The following NPAT variants were observed in gnomAD, a reference collection of about 807,000 sequenced individuals.
NPAT encodes protein NPAT.
In NPAT, 52 loss-of-function variants were observed where a neutral mutation model predicts 130.7. That is an observed-to-expected ratio of 0.40 (90% CI 0.32 to 0.50). The LOEUF is 0.50. NPAT is among the 20% of genes least tolerant of loss of function. NPAT has a pLI of 0.68. For missense variants in NPAT, 1,687 were observed against 1,662.6 expected, an observed-to-expected ratio of 1.01 and a Z score of -0.26; for synonymous variants, 580 against 584.8, an observed-to-expected ratio of 0.99 and a Z score of 0.12.
At chr11:108,221,771 A>G (rs753249094) in intron 1 of NPAT, among the ~76,000 whole-genome samples, 4 of 152,158 alleles carry the variant, frequency 2.6e-5, no homozygotes, top group Non-Finnish European at 5.9e-5. Flanking sequence ...GGGACAAACA[A>G]CAACAAAACC....
chr11:108,215,978 G>A (rs2078432545), intron 1 of NPAT, among the ~76,000 whole-genome samples: 1 of 152,144 alleles, frequency 6.6e-6, no homozygotes, highest in South Asian at 2.1e-4. Context: ...CTCTTTTTGT[G>A]AAAACTAGCT....
rs1267309016 is a variant in NPAT, at chr11:108,157,235, T to A, written c.*1707A>T. 1 of 152,012 alleles carries A rather than the reference T, an allele frequency of 6.6e-6. No homozygotes were observed. The highest frequency in any genetic ancestry group is 1.9e-4 in the East Asian group (1 of 5,200). 9.4% of individuals were successfully genotyped at this position (152,012 alleles called of 1,614,324 possible). A position where few individuals can be genotyped will look rare whatever the true frequency, so the allele number is the denominator to read the frequency against. On this transcript the variant is annotated 3_prime_UTR_variant, in exon 18 of 18. Coordinates refer to ENST00000278612, the MANE Select transcript of NPAT (RefSeq NM_002519.3). ...TTGAAGAAAGTAAACTTATTTTATT[T>A]GTATATGAATTTTCAGTGCTTAGTA...
At chr11:108,207,590 T>A (rs1381775238) in intron 1 of NPAT, among the ~76,000 whole-genome samples, 1 of 152,224 alleles carries the variant, frequency 6.6e-6, no homozygotes, top group Non-Finnish European at 1.5e-5. Context: ...CTGCCCCTAG[T>A]GTGCACACAC....
rs754474548 is a variant in NPAT, at chr11:108,169,933, G to A, written c.2896C>T (p.Arg966Trp). ...TTTCAGTTCATAAATCTTACCTGCC[G>A]AGGAGGAGTAGAAAAGTTATTTCCA... ...QNGNNFSTPP[R>W]QVLHMPLTAP... Residue 966 changes from arginine to tryptophan, a missense_variant, in exon 14 of 18, where the codon CGG becomes TGG. Coordinates refer to ENST00000278612, the MANE Select transcript of NPAT (RefSeq NM_002519.3). The A allele has an allele frequency of 1.6e-5, 26 of 1,612,458 alleles. No homozygotes were observed. The highest frequency in any genetic ancestry group is 3.3e-5 in the Admixed American group (2 of 59,992).
chr11:108,212,714 G>T (rs1388911011), intron 1 of NPAT, among the ~76,000 whole-genome samples: 1 of 151,698 alleles, frequency 6.6e-6, no homozygotes, highest in Admixed American at 6.6e-5. Flanking sequence ...GGAGGCCAAG[G>T]CAGGCAGATT....
chr11:108,186,699 G>C, intron 7 of NPAT, 130 bp from the exon 8 acceptor site: 1 of 782,728 alleles, frequency 1.3e-6, no homozygotes, highest in South Asian at 1.6e-5. Context: ...ATCTGCAGGG[G>C]GCTGGTTTCA....
intron 1 of NPAT, among the ~76,000 whole-genome samples, chr11:108,198,330 C>T (rs1402215638): frequency 6.6e-6 from 1 of 152,002 alleles, no homozygotes; most frequent in African/African-American, 2.4e-5. Context: ...AGTCAAAAAA[C>T]CAAAAATCTG....
At chr11:108,215,081 T>C (rs77376169) in intron 1 of NPAT, among the ~76,000 whole-genome samples, 11,849 of 152,286 alleles carry the variant, frequency 0.078, 543 homozygotes, top group Non-Finnish European at 0.097. Context: ...TTCAAGGCCA[T>C]TGTTTATTCT....
At chr11:108,211,861 G>T (rs1443530600) in intron 1 of NPAT, among the ~76,000 whole-genome samples, 1 of 152,042 alleles carries the variant, frequency 6.6e-6, no homozygotes, top group East Asian at 1.9e-4. Flanking sequence ...GAGGTAGAAG[G>T]ATAGTTTTAG....
At chr11:108,168,664 C>T (rs760369996) in intron 15 of NPAT, among the ~76,000 whole-genome samples, 3 of 152,104 alleles carry the variant, frequency 2.0e-5, no homozygotes, top group East Asian at 1.9e-4. Context: ...CCTCAGCCAC[C>T]GCTGGTTAAA....
At chr11:108,170,414 T>C (rs2077939670) in intron 13 of NPAT, among the ~76,000 whole-genome samples, 1 of 152,184 alleles carries the variant, frequency 6.6e-6, no homozygotes, top group South Asian at 2.1e-4. Flanking sequence ...GGTGAATGTT[T>C]CAAGTCTGAA....
intron 1 of NPAT, among the ~76,000 whole-genome samples, chr11:108,220,451 C>G (rs1018894536): frequency 2.0e-5 from 3 of 151,718 alleles, no homozygotes; most frequent in Non-Finnish European, 2.9e-5. Context: ...TAAAAAAAAC[C>G]TAATTATCTG....
Position 108,192,119 on chromosome 11 carries a change from T to C in NPAT, c.289A>G (p.Arg97Gly). ...KKLDHTLSQI[R>G]SMQSSPRFAG... ...AGGCACATTCTAATAGCTTATTACC[T>C]GATCTGAGAAAGTGTATGGTCCAAT... The change falls in exon 4 of 18, where the codon AGG (arginine) becomes GGG (glycine). Residue 97 changes from arginine (R) to glycine (G), a missense_variant and splice_region_variant. Arg to Gly is a moderately radical substitution (Grantham distance 125). Around this residue, in one of 3 missense-constraint regions of NPAT, gnomAD observed 307 missense variants for 298.9 expected, o/e 1.03. Transcript: ENST00000278612. 1 of 1,585,568 alleles carries C rather than the reference T, an allele frequency of 6.3e-7. No individual in the cohort carries two copies. Among genetic ancestry groups the C allele is most frequent in the Non-Finnish European group, 8.7e-7 (1 of 1,154,080 alleles).
At chr11:108,193,154 C>T (rs1235124904) in intron 3 of NPAT, among the ~76,000 whole-genome samples, 1 of 152,118 alleles carries the variant, frequency 6.6e-6, no homozygotes, top group East Asian at 1.9e-4. Context: ...AATAAGCAGT[C>T]AAAACTTTCC....
chr11:108,213,520 G>T (rs139327714), intron 1 of NPAT, among the ~76,000 whole-genome samples: 2 of 152,100 alleles, frequency 1.3e-5, no homozygotes, highest in African/African-American at 2.4e-5. Flanking sequence ...CTAAATCCAC[G>T]CAAAGACATA....
Position 108,173,444 on chromosome 11 carries a change from A to C in NPAT, c.1540T>G (p.Ser514Ala), listed in dbSNP as rs1178187380. ...QPDIPITSFV[S>A]LGCEANNENL... Reference sequence around the variant, plus strand: ...TCATTGTTAGCTTCACAACCAAGTGAAACAAATGAAGTTATTGGTATATCA... The same window carrying C: ...TCATTGTTAGCTTCACAACCAAGTGCAACAAATGAAGTTATTGGTATATCA... Residue 514 changes from serine to alanine, a missense_variant, in exon 13 of 18, where the codon TCA becomes GCA. Ser to Ala is a moderately conservative substitution (Grantham distance 99). Around this residue, in one of 3 missense-constraint regions of NPAT, gnomAD observed 1,379 missense variants for 1,346.6 expected, o/e 1.02. Coordinates refer to ENST00000278612, the MANE Select transcript of NPAT (RefSeq NM_002519.3). 6.2e-7 allele frequency: 1 copy of C among 1,614,084 alleles called. No homozygotes were observed. The highest frequency in any genetic ancestry group is 1.3e-5 in the African/African-American group (1 of 74,950).
intron 2 of NPAT, among the ~76,000 whole-genome samples, chr11:108,196,294 G>A (rs547764771): frequency 1.3e-5 from 2 of 152,300 alleles, no homozygotes; most frequent in South Asian, 2.1e-4. Flanking sequence ...GGACTTGTAT[G>A]TGGTTCCACA....
chr11:108,180,644 G>C (rs531724009), intron 10 of NPAT, among the ~76,000 whole-genome samples: 1 of 152,146 alleles, frequency 6.6e-6, no homozygotes, highest in Non-Finnish European at 1.5e-5. Context: ...ACATTAGAAA[G>C]CTTCCTCAAA....
chr11:108,161,464 T>G lies in NPAT; in HGVS notation c.3622A>C (p.Thr1208Pro). The change falls in exon 17 of 18, where the codon ACC becomes CCC. Residue 1208 changes from threonine (T) to proline (P), a missense_variant. Transcript: ENST00000278612. Reference protein sequence around the residue: ...EKSIASLQEMTKKQGTSSNNK... With the variant: ...EKSIASLQEMPKKQGTSSNNK... ...TTTGAAGATGTGCCTTGTTTTTTGG[T>G]CATTTCTTGCAGTGAAGCTATAGAT... 6.2e-7 allele frequency: 1 copy of G among 1,614,218 alleles called. No individual in the cohort carries two copies.
Sources: allele counts gnomAD v4.1 joint callset (sites outside exome capture counted in the v4.1 genomes callset), GRCh38; gene constraint gnomAD v4.1.1; regional missense constraint gnomAD v4.1.1; transcripts MANE v1.5; gene names NCBI Gene and HGNC (gene_info 2026-07-23, HGNC 2026-07-21).